The following CKLF variants were observed in gnomAD, a reference collection of about 807,000 sequenced individuals.
CKLF encodes the protein chemokine like factor, also known as chemokine-like factor.
CKLF carries 16 observed loss-of-function variants against 12.9 expected under a neutral mutation model. The ratio of observed to expected loss-of-function variants is 1.24; its 90% CI spans 0.84 to 1.88. The LOEUF is 1.88. Among genes scored for constraint, CKLF ranks in the 40% most tolerant of loss-of-function variants. The probability of loss-of-function intolerance (pLI) is 0.00; values close to 1 mark genes in which losing one functional copy is unlikely to be tolerated. For missense variants in CKLF, 172 were observed against 188.5 expected (o/e 0.91, Z 0.51); for synonymous variants, 61 against 69.0 (o/e 0.88, Z 0.57).
Position 66,563,122 on chromosome 16 carries a change from GA to G in CKLF, c.239del (p.Asp80ValfsTer7). The G allele has an allele frequency of 1.2e-6, 2 of 1,613,924 alleles. No individual in the cohort carries two copies. The highest frequency in any genetic ancestry group is 1.7e-6 in the Non-Finnish European group (2 of 1,179,972). On this transcript the variant is annotated frameshift_variant and splice_region_variant, in exon 3 of 4. Coordinates refer to ENST00000264001, the MANE Select transcript of CKLF (RefSeq NM_016951.4). LOFTEE classifies it high-confidence loss of function. Reference sequence around the variant, plus strand: ...GCTCAGCTTTATTGTGTGTTTTTAGGATATTATCAACTCACTGGTAACAACA... The same window carrying G: ...GCTCAGCTTTATTGTGTGTTTTTAGGTATTATCAACTCACTGGTAACAACA... Reference protein sequence around the residue: ...LMKWLFWPLLDIINSLVTTVF... With the variant: ...LMKWLFWPLLXIINSLVTTVF...
intron 2 of CKLF, among the ~76,000 whole-genome samples, chr16:66,561,030 G>C (rs112848411): frequency 3.1e-3 from 467 of 152,170 alleles, no homozygotes; most frequent in Non-Finnish European, 4.9e-3. Context: ...AGTAGAATTG[G>C]AGCCAGAGCA....
intron 2 of CKLF, chr16:66,558,633 G>C: frequency 7.5e-6 from 2 of 266,884 alleles, no homozygotes; most frequent in South Asian, 1.5e-4. Flanking sequence ...TTTAAATTTA[G>C]GACCATGTTA....
At chr16:66,566,079 G>C (rs2012272673), downstream of CKLF, 1 of 1,611,468 alleles carries the variant, frequency 6.2e-7, no homozygotes. The surrounding 1 kb of genome is among the most constrained non-coding windows in gnomAD (Gnocchi z 4.9). Flanking sequence ...CATATTTTCT[G>C]CAGTTATTTT....
rs780766283 is a variant in CKLF, at chr16:66,558,349, G to T, written c.237+1G>T. 1 of 1,601,184 alleles carries T rather than the reference G, an allele frequency of 6.2e-7. No individual in the cohort carries two copies. Among genetic ancestry groups the T allele is most frequent in the Non-Finnish European group, 8.5e-7 (1 of 1,177,110 alleles). ...GAAGTGGTTATTTTGGCCTTTGCTTGTAAGTGTTCAGTTTCATCCTTAAAT... is the reference window on the plus strand; with the variant it reads ...GAAGTGGTTATTTTGGCCTTTGCTTTTAAGTGTTCAGTTTCATCCTTAAAT... On this transcript the variant is annotated splice_donor_variant, in intron 2 of 3. Coordinates refer to ENST00000264001, the MANE Select transcript of CKLF (RefSeq NM_016951.4). LOFTEE classifies it high-confidence loss of function.
chr16:66,566,179 G>C, downstream of CKLF: 1 of 1,547,990 alleles, frequency 6.5e-7, no homozygotes, highest in Non-Finnish European at 8.7e-7. This position sits in a 1 kb window ranked among gnomAD's most constrained non-coding sequence, Gnocchi z 4.9. Flanking sequence ...GCTGGGAGCA[G>C]CGGGATCGGG....
chr16:66,562,401 C>A (rs1032053980), intron 2 of CKLF, among the ~76,000 whole-genome samples: 25 of 152,152 alleles, frequency 1.6e-4, no homozygotes, highest in African/African-American at 5.8e-4. Context: ...GTAGACTACT[C>A]TGCATTTTCT....
chr16:66,560,835 AC>A (rs1454934337), intron 2 of CKLF, among the ~76,000 whole-genome samples: 1 of 148,100 alleles, frequency 6.8e-6, no homozygotes, highest in East Asian at 2.0e-4. Flanking sequence ...ACACACACAC[AC>A]ACTTTCTCTC....
intron 3 of CKLF, among the ~76,000 whole-genome samples, chr16:66,564,968 G>T (rs1426069867): frequency 6.6e-6 from 1 of 152,164 alleles, no homozygotes; most frequent in East Asian, 1.9e-4. Flanking sequence ...GAGCTGCATG[G>T]TGCAGAAAAG....
intron 1 of CKLF, 139 bp downstream of exon 1, chr16:66,552,932 T>C: frequency 3.3e-6 from 4 of 1,218,734 alleles, no homozygotes; most frequent in East Asian, 2.5e-5. Flanking sequence ...CATGGCCTCC[T>C]TGGGGAAGAA....
chr16:66,563,163 C>G lies in CKLF; in HGVS notation c.279C>G (p.Ile93Met), dbSNP rs772083480. The G allele has an allele frequency of 5.6e-6, 9 of 1,614,054 alleles. No homozygotes were observed. Among genetic ancestry groups the G allele is most frequent in the Non-Finnish European group, 7.6e-6 (9 of 1,180,020 alleles). Residue 93 changes from isoleucine to methionine, a missense_variant, in exon 3 of 4, where the codon ATC becomes ATG. Physicochemically the swap from Ile to Met is conservative, Grantham distance 10. Transcript: ENST00000264001. ...TGGTAACAACAGTATTCATGCTCAT[C>G]GTATCTGTGTTGGCACTGATACCAG... The part of the protein sequence containing the change: ...NSLVTTVFML[I>M]VSVLALIPET...
Position 66,552,636 on chromosome 16 carries a change from G to C in CKLF, c.-80G>C. 6.2e-7 allele frequency: 1 copy of C among 1,605,000 alleles called. No individual in the cohort carries two copies. Among genetic ancestry groups the C allele is most frequent in the Admixed American group, 1.7e-5 (1 of 59,858 alleles). On this transcript the variant is annotated 5_prime_UTR_variant, in exon 1 of 4. Transcript: ENST00000264001. ...GCGGTGCTCCGCCGCGGTGGCGGTT[G>C]CTATCGCTTCGCAGAACCTACTCAG...
intron 2 of CKLF, among the ~76,000 whole-genome samples, chr16:66,560,127 A>C (rs983827638): frequency 2.0e-5 from 3 of 152,212 alleles, no homozygotes; most frequent in Non-Finnish European, 4.4e-5. Flanking sequence ...AAACGTAGTT[A>C]GCAGATGACT....
intron 1 of CKLF, 53 bp downstream of exon 1, chr16:66,552,846 AG>A: frequency 6.2e-7 from 1 of 1,612,974 alleles, no homozygotes; most frequent in Middle Eastern, 1.7e-4. Context: ...GGGGGGCGGG[AG>A]ATGTGGGTGT....
Position 66,563,118 on chromosome 16 carries a change from T to G in CKLF, c.238-4T>G, listed in dbSNP as rs2011863375. 1 of 1,614,124 alleles carries G rather than the reference T, an allele frequency of 6.2e-7. No homozygotes were observed. The highest frequency in any genetic ancestry group is 1.3e-5 in the African/African-American group (1 of 75,058). On this transcript the variant is annotated splice_polypyrimidine_tract_variant and splice_region_variant and intron_variant, in intron 2 of 3. Coordinates refer to ENST00000264001, the MANE Select transcript of CKLF (RefSeq NM_016951.4). ...TAAGGCTCAGCTTTATTGTGTGTTT[T>G]TAGGATATTATCAACTCACTGGTAA... is the stretch of plus-strand genomic sequence containing the variant.
chr16:66,558,001 T>C (rs2011515048), intron 1 of CKLF, among the ~76,000 whole-genome samples, 189 bp from the exon 2 acceptor site: 1 of 151,996 alleles, frequency 6.6e-6, no homozygotes, highest in Non-Finnish European at 1.5e-5. Context: ...GGAGATGAGG[T>C]CTCCTTATGT....
Position 66,560,798 on chromosome 16 carries a change from TACACACACACACACACACACACAC to T in CKLF, c.238-2307_238-2284del, listed in dbSNP as rs58084691. ...ACACATTTAAACAGAAAGATAAGTA[TACACACACACACACACACACACAC>T]ACACACACACACACACTTTCTCTCT... is the stretch of plus-strand genomic sequence containing the variant. On this transcript the variant is annotated intron_variant, in intron 2 of 3. Coordinates refer to ENST00000264001, the MANE Select transcript of CKLF (RefSeq NM_016951.4). 5.6e-5 allele frequency among the ~76,000 whole-genome samples: 8 copies of T among 143,758 alleles called. No individual in the cohort carries two copies. In the East Asian group the frequency reaches 1.7e-3, roughly 30 times the overall value. The allele number at this position is 143,758 out of a possible 152,430, so 94.3% of individuals were successfully genotyped here.
intron 1 of CKLF, among the ~76,000 whole-genome samples, chr16:66,553,087 G>A (rs1279858085): frequency 3.9e-5 from 6 of 152,300 alleles, no homozygotes; most frequent in African/African-American, 1.4e-4. Flanking sequence ...TTGATCCCAG[G>A]AGTTCGAGGC....
rs772083480 is a variant in CKLF, at chr16:66,563,163, C to T, written c.279C>T (p.Ile93=). The change falls in exon 3 of 4, where the codon ATC becomes ATT. Residue 93 remains isoleucine, a synonymous_variant. Transcript: ENST00000264001. ...TGGTAACAACAGTATTCATGCTCAT[C>T]GTATCTGTGTTGGCACTGATACCAG... ...NSLVTTVFML[I]VSVLALIPET... 1 of 1,614,054 alleles carries T rather than the reference C, an allele frequency of 6.2e-7. No homozygotes were observed. The highest frequency in any genetic ancestry group is 1.1e-5 in the South Asian group (1 of 91,074).
At chr16:66,565,848 A>C in intron 3 of CKLF, 38 bp from the exon 4 acceptor site, 3 of 1,600,400 alleles carry the variant, frequency 1.9e-6, no homozygotes, top group Non-Finnish European at 2.6e-6. Context: ...AGGAGTGGGG[A>C]CCATGGTTAG....
Sources: gnomAD v4.1 joint callset for allele counts (sites outside exome capture counted in the v4.1 genomes callset) on GRCh38, gnomAD v4.1.1 for gene constraint, Gnocchi (gnomAD v3.1) non-coding constraint, MANE v1.5 for transcripts, NCBI Gene and HGNC (gene_info 2026-07-23, HGNC 2026-07-21) for gene names.